Variants in DISP1 observed in about 807,000 individuals in gnomAD.
The protein encoded by DISP1 is dispatched RND transporter family member 1.
DISP1 carries 30 observed loss-of-function variants against 37.3 expected under a neutral mutation model. The ratio of observed to expected loss-of-function variants is 0.80; its 90% CI spans 0.60 to 1.09. The LOEUF (loss-of-function observed/expected upper bound fraction) is 1.09, where lower values mean the gene tolerates loss of function less well. Among genes scored for constraint, DISP1 ranks in the 50% least tolerant of loss-of-function variants. The pLI, the probability that DISP1 is intolerant of heterozygous loss-of-function variation, is 0.00. For missense variants in DISP1, 1,598 were observed against 1,879.5 expected (o/e 0.85, Z 2.77); for synonymous variants, 634 against 690.2 (o/e 0.92, Z 1.28).
chr1:222,913,117 T>G (rs1002194538), intron 1 of DISP1, among the ~76,000 whole-genome samples: 3 of 152,204 alleles, frequency 2.0e-5, no homozygotes, highest in African/African-American at 7.2e-5. Flanking sequence ...GACTGGAACT[T>G]AGTAAATTAG....
intron 1 of DISP1, among the ~76,000 whole-genome samples, chr1:222,849,842 CTATT>C (rs1347699266): frequency 6.6e-6 from 1 of 152,048 alleles, no homozygotes; most frequent in African/African-American, 2.4e-5. Context: ...GGTACAATAT[CTATT>C]AAGAAATAAA....
chr1:222,815,495 CCTT>C (rs1252757378), intron 1 of DISP1, among the ~76,000 whole-genome samples: 6 of 152,102 alleles, frequency 3.9e-5, no homozygotes, highest in Non-Finnish European at 7.4e-5. Flanking sequence ...GGGAGTCAGT[CCTT>C]CTCTGAGGGT....
intron 1 of DISP1, among the ~76,000 whole-genome samples, chr1:222,826,498 A>G (rs1381191062): frequency 6.8e-6 from 1 of 148,102 alleles, no homozygotes; most frequent in Admixed American, 6.9e-5. Context: ...CTCTTGCCTC[A>G]GCCTCCTGAG....
chr1:222,917,249 T>C (rs1672545515), intron 1 of DISP1, among the ~76,000 whole-genome samples: 1 of 152,186 alleles, frequency 6.6e-6, no homozygotes, highest in African/African-American at 2.4e-5. Context: ...CCCCCCTTCA[T>C]TCAGTCCTGT....
rs67660273 is a variant in DISP1 at position 222,984,435 on chromosome 1, T to TATATATATATAGAGAGAGAG, written c.539+1327_539+1328insTATATATATAGAGAGAGAGA. 4.0e-4 allele frequency among the ~76,000 whole-genome samples: 43 copies of TATATATATATAGAGAGAGAG among 108,368 alleles called. No individual in the cohort carries two copies. The South Asian group carries it at 6.1e-3, about 15-fold the overall frequency. The allele number at this position is 108,368 out of a possible 152,430, so 71.1% of individuals were successfully genotyped here. A position where few individuals can be genotyped will look rare whatever the true frequency, so the allele number is the denominator to read the frequency against. On this transcript the variant is annotated intron_variant, in intron 4 of 8. Coordinates refer to ENST00000675850, the MANE Select transcript of DISP1 (RefSeq NM_001377229.1). Reference sequence around the variant, plus strand: ...AAAAAAAAAAAAATATATATATATATAGAGAGAGAGAGAGAGAGAGAGAGC... The same window carrying TATATATATATAGAGAGAGAG: ...AAAAAAAAAAAAATATATATATATATATATATATATAGAGAGAGAGAGAGAGAGAGAGAGAGAGAGAGAGC...
At chr1:222,955,197 C>G (rs1675509839) in intron 3 of DISP1, among the ~76,000 whole-genome samples, 1 of 151,898 alleles carries the variant, frequency 6.6e-6, no homozygotes, top group African/African-American at 2.4e-5. Flanking sequence ...TGTGATTCTC[C>G]TGCCTCAGCC....
intron 1 of DISP1, among the ~76,000 whole-genome samples, chr1:222,868,764 G>A (rs540975289): frequency 6.6e-6 from 1 of 152,092 alleles, no homozygotes; most frequent in Non-Finnish European, 1.5e-5. Context: ...CATATGTACA[G>A]AAAGGAGCAT....
intron 1 of DISP1, chr1:222,835,116 T>C (rs1416233033): frequency 1.3e-5 from 2 of 152,186 alleles, no homozygotes; most frequent in Non-Finnish European, 2.9e-5. Flanking sequence ...TTTCCTTTCA[T>C]AGATTTCTGA....
chr1:222,945,639 T>TA (rs139049006), intron 3 of DISP1: 53,534 of 151,802 alleles, frequency 0.35, 10,383 homozygotes, highest in Middle Eastern at 0.5. Context: ...AGAATGGCAT[T>TA]AAAAAAACGA....
intron 1 of DISP1, among the ~76,000 whole-genome samples, chr1:222,867,813 A>G (rs1433295661): frequency 1.3e-5 from 2 of 152,194 alleles, no homozygotes; most frequent in Non-Finnish European, 2.9e-5. Context: ...TATATAGGCA[A>G]TGATCTATAT....
intron 1 of DISP1, among the ~76,000 whole-genome samples, chr1:222,916,756 T>G (rs1439118753): frequency 6.6e-6 from 1 of 152,226 alleles, no homozygotes; most frequent in Non-Finnish European, 1.5e-5. Context: ...ACTCTTAAAT[T>G]CTGATATAAA....
chr1:222,879,131 A>G (rs916907989), intron 1 of DISP1, among the ~76,000 whole-genome samples: 1 of 152,122 alleles, frequency 6.6e-6, no homozygotes, highest in Non-Finnish European at 1.5e-5. Flanking sequence ...GGACTTTTGA[A>G]GACTATTAGT....
At chr1:222,931,265 A>G (rs1292727274) in intron 2 of DISP1, among the ~76,000 whole-genome samples, 2 of 151,200 alleles carry the variant, frequency 1.3e-5, no homozygotes, top group African/African-American at 2.4e-5. Context: ...AAATTTTCTT[A>G]GTTTGATTTA....
At chr1:222,973,550 C>T (rs1677101061) in intron 3 of DISP1, among the ~76,000 whole-genome samples, 1 of 152,028 alleles carries the variant, frequency 6.6e-6, no homozygotes. Flanking sequence ...CATGGATGTG[C>T]CGCCATTTAT....
At position 222,834,234 on chromosome 1, in the gene DISP1, GA is replaced by G. The variant is rs924228919; in HGVS notation, c.-159+19166del. On this transcript the variant is annotated intron_variant, in intron 1 of 8. Transcript: ENST00000675850. Reference sequence around the variant, plus strand: ...GATGATTCTTTCTTCGTCTTCAAAAGAAAAAAAAAAGATATAAACAGAGCAT... The same window carrying G: ...GATGATTCTTTCTTCGTCTTCAAAAGAAAAAAAAAGATATAAACAGAGCAT... 4.4e-4 allele frequency among the ~76,000 whole-genome samples: 64 copies of G among 146,764 alleles called. 1 individual carries two copies. Among genetic ancestry groups the G allele is most frequent in the Admixed American group, 1.9e-3 (28 of 14,718 alleles).
At chr1:222,917,637 C>A (rs1382938044) in intron 1 of DISP1, among the ~76,000 whole-genome samples, 2 of 152,088 alleles carry the variant, frequency 1.3e-5, no homozygotes, top group Non-Finnish European at 2.9e-5. Context: ...TTTGCACCAC[C>A]CACAGCACCT....
chr1:222,886,025 T>G (rs750719104), intron 1 of DISP1, among the ~76,000 whole-genome samples: 6 of 152,242 alleles, frequency 3.9e-5, no homozygotes, highest in Middle Eastern at 6.8e-3. Context: ...ATAGGGCAAC[T>G]TGGAAGGAGA....
chr1:222,917,543 A>G (rs115885455), intron 1 of DISP1, among the ~76,000 whole-genome samples: 10,453 of 152,258 alleles, frequency 0.069, 504 homozygotes, highest in East Asian at 0.25. Flanking sequence ...CATGGGGAAG[A>G]ATTTGGCTAT....
rs1166918933 is a variant in DISP1 at position 222,871,932 on chromosome 1, G to A, written c.-158-56498G>A. Among the ~76,000 whole-genome samples, 13 of 152,186 alleles carry A rather than the reference G, an allele frequency of 8.5e-5. No individual in the cohort carries two copies. The East Asian group carries it at 2.5e-3, about 29-fold the overall frequency. On this transcript the variant is annotated intron_variant, in intron 1 of 8. Coordinates refer to ENST00000675850, the MANE Select transcript of DISP1 (RefSeq NM_001377229.1). ...TGATATTGGCTGTGGGTTTGTCATA[G>A]ATAGCTCTTATTATTTTGAGATACG...
Sources: allele counts gnomAD v4.1 joint callset (sites outside exome capture counted in the v4.1 genomes callset), GRCh38; gene constraint gnomAD v4.1.1; transcripts MANE v1.5; gene names NCBI Gene and HGNC (gene_info 2026-07-23, HGNC 2026-07-21).